The following LARGE1 variants were observed in gnomAD, a reference collection of about 807,000 sequenced individuals.
LARGE1 encodes the protein xylosyl- and glucuronyltransferase LARGE1.
A neutral mutation model predicts 87.6 loss-of-function variants in LARGE1; 43 were observed. The observed-to-expected ratio is 0.49, with a 90% CI of 0.38 to 0.63. The LOEUF (loss-of-function observed/expected upper bound fraction) is 0.63. Ranked by LOEUF, LARGE1 falls within the 30% of genes least tolerant of loss-of-function variation. The pLI is 0.00. For synonymous variants in LARGE1, 434 were observed against 394.6 expected (o/e 1.10, Z -1.18); for missense variants, 802 against 1,000.2 (o/e 0.80, Z 2.67).
chr22:33,069,808 A>C, the LARGE1 span, among the ~76,000 whole-genome samples: 4 of 144,462 alleles, frequency 2.8e-5, no homozygotes, highest in South Asian at 8.7e-4. Flanking sequence ...TATGACTGTT[A>C]TTACATTCTT....
intron 4 of LARGE1, among the ~76,000 whole-genome samples, chr22:33,611,346 C>T (rs2079423914): frequency 6.6e-6 from 1 of 152,240 alleles, no homozygotes. Context: ...CTGCCCAAGG[C>T]TTTGGGAGCC....
chr22:33,307,572 C>G (rs1236397717), intron 11 of LARGE1, among the ~76,000 whole-genome samples: 1 of 152,156 alleles, frequency 6.6e-6, no homozygotes, highest in Non-Finnish European at 1.5e-5. Context: ...TTCTGCCTCT[C>G]AAACATGTCT....
At chr22:33,700,590 T>C (rs183019784) in intron 2 of LARGE1, among the ~76,000 whole-genome samples, 115 of 152,272 alleles carry the variant, frequency 7.6e-4, no homozygotes, top group Middle Eastern at 6.8e-3. Flanking sequence ...CTGAATTTTA[T>C]AGGTGAAGAA....
the LARGE1 span, among the ~76,000 whole-genome samples, chr22:33,082,208 C>T: frequency 9.4e-3 from 1,429 of 152,172 alleles, 15 homozygotes; most frequent in South Asian, 0.026. Flanking sequence ...ATTATAATGT[C>T]GGCCTTTATT....
chr22:33,657,945 A>C lies in LARGE1; in HGVS notation c.107-7277T>G, dbSNP rs201893181. 7.2e-5 allele frequency among the ~76,000 whole-genome samples: 11 copies of C among 152,246 alleles called. No individual in the cohort carries two copies. In the East Asian group the frequency reaches 2.1e-3, roughly 29 times the overall value. ...ATTTCCATTTGACTAATGAAAAAAA[A>C]AAAAGAGAAACAGGCACATGATTTA... On this transcript the variant is annotated intron_variant, in intron 2 of 14. Transcript: ENST00000397394.
At chr22:33,658,064 C>T (rs1025534386) in intron 2 of LARGE1, among the ~76,000 whole-genome samples, 6 of 152,134 alleles carry the variant, frequency 3.9e-5, no homozygotes, top group Non-Finnish European at 8.8e-5. Context: ...CGCACCGAAC[C>T]GGAATGTCTC....
intron 2 of LARGE1, among the ~76,000 whole-genome samples, chr22:33,708,356 C>G (rs997569809): frequency 2.0e-5 from 3 of 152,110 alleles, no homozygotes; most frequent in Admixed American, 1.3e-4. Context: ...GTTGTGGTGG[C>G]CAATGCGTAG....
chr22:33,879,748 T>G (rs889259718), intron 1 of LARGE1, among the ~76,000 whole-genome samples: 5 of 152,224 alleles, frequency 3.3e-5, no homozygotes, highest in Non-Finnish European at 2.9e-5. Context: ...CATAGTGTAT[T>G]AGAATGTGTT....
At chr22:33,326,669 C>G (rs1467998731) in intron 10 of LARGE1, among the ~76,000 whole-genome samples, 1 of 152,070 alleles carries the variant, frequency 6.6e-6, no homozygotes, top group Non-Finnish European at 1.5e-5. Flanking sequence ...ATCTACTGCA[C>G]AAGTAAGAGA....
At chr22:33,210,780 C>T (rs998991060) in intron 11 of LARGE1, among the ~76,000 whole-genome samples, 1 of 152,258 alleles carries the variant, frequency 6.6e-6, no homozygotes, top group African/African-American at 2.4e-5. Context: ...CCCTCTCTGG[C>T]TCTCCCCTGT....
chr22:33,268,429 C>CTTTAT (rs369218826), downstream of LARGE1, among the ~76,000 whole-genome samples: 19 of 132,988 alleles, frequency 1.4e-4, 1 homozygote, highest in African/African-American at 5.5e-4. Context: ...TGTTAAAAAA[C>CTTTAT]TTTTTTTTTT....
chr22:33,674,195 C>T (rs1390992912), intron 2 of LARGE1, among the ~76,000 whole-genome samples: 10 of 152,110 alleles, frequency 6.6e-5, no homozygotes, highest in Admixed American at 1.3e-4. Flanking sequence ...CTACCTGCCT[C>T]GGCCTCCCAA....
intron 11 of LARGE1, among the ~76,000 whole-genome samples, chr22:33,254,174 A>G (rs551008677): frequency 1.3e-5 from 2 of 152,294 alleles, no homozygotes; most frequent in Non-Finnish European, 2.9e-5. Flanking sequence ...CTTATCACGA[A>G]AAAAAGAGGA....
intron 1 of LARGE1, among the ~76,000 whole-genome samples, chr22:33,866,831 G>A (rs1469341562): frequency 1.3e-5 from 2 of 151,930 alleles, no homozygotes; most frequent in African/African-American, 2.4e-5. Context: ...TTCAATAAAT[G>A]TTCACAGAGC....
intron 6 of LARGE1, among the ~76,000 whole-genome samples, chr22:33,549,223 C>G (rs900610315): frequency 2.0e-5 from 3 of 152,184 alleles, no homozygotes; most frequent in African/African-American, 7.2e-5. Flanking sequence ...GAGAAGAGAC[C>G]AGCATATTTG....
intron 11 of LARGE1, among the ~76,000 whole-genome samples, chr22:33,247,883 A>G (rs1313008273): frequency 6.6e-6 from 1 of 152,204 alleles, no homozygotes. Flanking sequence ...TGAGGAACTG[A>G]GAAACACTAT....
the LARGE1 span, among the ~76,000 whole-genome samples, chr22:33,151,277 T>C: frequency 6.6e-5 from 10 of 152,338 alleles, no homozygotes; most frequent in African/African-American, 2.4e-4. Context: ...AAAAATATGA[T>C]TCATTTGTGT....
chr22:33,300,593 T>C (rs1378381934), intron 12 of LARGE1, among the ~76,000 whole-genome samples: 2 of 152,108 alleles, frequency 1.3e-5, no homozygotes, highest in Non-Finnish European at 1.5e-5. Context: ...CAGGCTGGAG[T>C]GCAGTGGTGC....
intron 11 of LARGE1, among the ~76,000 whole-genome samples, chr22:33,207,043 T>A (rs144704374): frequency 2.0e-5 from 3 of 152,172 alleles, no homozygotes; most frequent in Non-Finnish European, 4.4e-5. Context: ...GAAATAGACT[T>A]GTTGGTGATA....
Sources: allele counts gnomAD v4.1 joint callset (sites outside exome capture counted in the v4.1 genomes callset), GRCh38; gene constraint gnomAD v4.1.1; transcripts MANE v1.5; gene names NCBI Gene and HGNC (gene_info 2026-07-23, HGNC 2026-07-21).